CTNNA3: variants seen among roughly 807,000 people sequenced by gnomAD.
The protein encoded by CTNNA3 is catenin alpha-3.
CTNNA3 carries 76 observed loss-of-function variants against 95.7 expected under a neutral mutation model. The observed-to-expected ratio is 0.79, with a 90% confidence interval of 0.66 to 0.96. The LOEUF (loss-of-function observed/expected upper bound fraction) is 0.96. Ranked by LOEUF, CTNNA3 falls within the 40% of genes least tolerant of loss-of-function variation. The pLI is 0.00. For missense variants in CTNNA3, 1,191 were observed against 1,089.8 expected (o/e 1.09, Z -1.31); for synonymous variants, 431 against 374.4 (o/e 1.15, Z -1.74).
At chr10:67,386,675 T>C (rs925252321) in intron 5 of CTNNA3, among the ~76,000 whole-genome samples, 5 of 152,174 alleles carry the variant, frequency 3.3e-5, no homozygotes, top group South Asian at 2.1e-4. Context: ...TTAATCCCAA[T>C]GGCCTTTGTA....
chr10:65,966,839 T>G, intron 16 of CTNNA3, 93 bp from the exon 17 acceptor site: 2 of 884,584 alleles, frequency 2.3e-6, no homozygotes, highest in Non-Finnish European at 1.6e-6. Flanking sequence ...GCAGGTACCT[T>G]ATAAAGCAGC....
intron 7 of CTNNA3, among the ~76,000 whole-genome samples, chr10:66,797,406 GAA>G (rs1554853578): frequency 3.0e-4 from 26 of 85,876 alleles, no homozygotes; most frequent in East Asian, 9.3e-4. Context: ...TCAAAAGTAA[GAA>G]AAAAAAAAAA....
At chr10:66,844,460 A>G (rs1044980842) in intron 7 of CTNNA3, among the ~76,000 whole-genome samples, 1 of 152,202 alleles carries the variant, frequency 6.6e-6, no homozygotes. Context: ...TGAAATCCCC[A>G]GAGTTCCTTG....
chr10:66,954,380 G>A (rs1390727850), intron 7 of CTNNA3, among the ~76,000 whole-genome samples: 1 of 152,094 alleles, frequency 6.6e-6, no homozygotes, highest in Non-Finnish European at 1.5e-5. Context: ...GGGCTCCTCA[G>A]TGACTGCAGA....
intron 1 of CTNNA3, among the ~76,000 whole-genome samples, chr10:67,668,758 T>A (rs1840375063): frequency 6.6e-6 from 1 of 152,136 alleles, no homozygotes; most frequent in Admixed American, 6.5e-5. Context: ...CATTTCATAT[T>A]TTCAGACCAG....
intron 13 of CTNNA3, among the ~76,000 whole-genome samples, chr10:66,178,754 T>C (rs1457596547): frequency 6.6e-6 from 1 of 151,802 alleles, no homozygotes; most frequent in Non-Finnish European, 1.5e-5. Context: ...ATAAAATACA[T>C]GAGCAGATAA....
intron 7 of CTNNA3, among the ~76,000 whole-genome samples, chr10:66,782,818 G>A (rs911430684): frequency 2.0e-5 from 3 of 152,046 alleles, no homozygotes; most frequent in African/African-American, 4.8e-5. Flanking sequence ...TTAAATCAGT[G>A]TTTTTATTCA....
chr10:66,718,152 G>A (rs1050473942), intron 9 of CTNNA3, among the ~76,000 whole-genome samples: 1 of 141,496 alleles, frequency 7.1e-6, no homozygotes, highest in Non-Finnish European at 1.5e-5. Context: ...TTTTTTTTCT[G>A]TTACTCATCA....
intron 10 of CTNNA3, among the ~76,000 whole-genome samples, chr10:66,546,176 A>G (rs1660892166): frequency 6.6e-6 from 1 of 151,936 alleles, no homozygotes; most frequent in African/African-American, 2.4e-5. Context: ...TCCCAAGCTT[A>G]TGAAGATATT....
At chr10:66,446,675 A>C (rs1002033296) in intron 11 of CTNNA3, among the ~76,000 whole-genome samples, 13 of 152,028 alleles carry the variant, frequency 8.6e-5, no homozygotes, top group East Asian at 1.9e-4. Flanking sequence ...GGACGTATCT[A>C]AAAATAATAA....
At chr10:66,922,110 T>C (rs1846817382) in intron 7 of CTNNA3, among the ~76,000 whole-genome samples, 1 of 152,202 alleles carries the variant, frequency 6.6e-6, no homozygotes, top group Non-Finnish European at 1.5e-5. Context: ...TGAAGTCCTA[T>C]AAGCACAATA....
intron 7 of CTNNA3, among the ~76,000 whole-genome samples, chr10:66,828,192 T>C (rs1202653230): frequency 6.6e-6 from 1 of 152,172 alleles, no homozygotes; most frequent in South Asian, 2.1e-4. Flanking sequence ...AATTATTACA[T>C]AAACACAATT....
chr10:66,399,994 T>C (rs750347077), intron 11 of CTNNA3, among the ~76,000 whole-genome samples: 25 of 152,056 alleles, frequency 1.6e-4, no homozygotes, highest in Non-Finnish European at 2.2e-4. Flanking sequence ...TAATTTACAA[T>C]GGCTTAAAAA....
chr10:66,460,443 G>A (rs975252995), intron 11 of CTNNA3, among the ~76,000 whole-genome samples: 3 of 152,128 alleles, frequency 2.0e-5, no homozygotes, highest in African/African-American at 7.2e-5. Flanking sequence ...GCGATGGGTG[G>A]ACTGCACTTG....
chr10:66,893,314 A>G (rs1446641014), intron 7 of CTNNA3, among the ~76,000 whole-genome samples: 1 of 152,060 alleles, frequency 6.6e-6, no homozygotes, highest in Non-Finnish European at 1.5e-5. Context: ...ATAAAAGAAT[A>G]ACTAAATAAA....
chr10:66,928,592 T>C (rs2132628785), intron 7 of CTNNA3: 1 of 758,694 alleles, frequency 1.3e-6, no homozygotes, highest in Non-Finnish European at 2.1e-6. Context: ...AGATCCTTCC[T>C]TGTCCGTTTT....
chr10:67,302,795 A>C (rs1317830110), intron 5 of CTNNA3, among the ~76,000 whole-genome samples: 1 of 152,218 alleles, frequency 6.6e-6, no homozygotes, highest in Non-Finnish European at 1.5e-5. Context: ...TTGACTAGGA[A>C]CATTTTTGGT....
chr10:67,413,363 C>T lies in CTNNA3; in HGVS notation c.579+108479G>A, dbSNP rs1473516998. Among the ~76,000 whole-genome samples, 5 of 152,038 alleles carry T rather than the reference C, an allele frequency of 3.3e-5. No individual in the cohort carries two copies. In the East Asian group the frequency reaches 7.7e-4, roughly 23 times the overall value. ...AAGGACAATGAAGGGCACTGCATAA[C>T]AATAAAGGATACAGTCCGACAAGAA... On this transcript the variant is annotated intron_variant, in intron 5 of 17. Coordinates refer to ENST00000433211, the MANE Select transcript of CTNNA3 (RefSeq NM_013266.4).
intron 1 of CTNNA3, among the ~76,000 whole-genome samples, chr10:67,703,624 C>A (rs866478586): frequency 6.6e-6 from 1 of 152,132 alleles, no homozygotes. Flanking sequence ...TGGGATGTAT[C>A]TCAAAATAAT....
Sources: gnomAD v4.1 joint callset for allele counts (sites outside exome capture counted in the v4.1 genomes callset) on GRCh38, gnomAD v4.1.1 for gene constraint, MANE v1.5 for transcripts, NCBI Gene and HGNC (gene_info 2026-07-23, HGNC 2026-07-21) for gene names.